Variants in BIN2 observed in about 807,000 individuals in gnomAD.
BIN2 encodes bridging integrator 2, also known as breast cancer associated protein BRAP1.
In BIN2, 43 loss-of-function variants were observed where a neutral mutation model predicts 67.9. The ratio of observed to expected loss-of-function variants is 0.63; its 90% CI spans 0.50 to 0.82. The LOEUF (loss-of-function observed/expected upper bound fraction) is 0.82, where lower values mean the gene tolerates loss of function less well. Ranked by LOEUF, BIN2 falls within the 40% of genes least tolerant of loss-of-function variation. The pLI, the probability that BIN2 is intolerant of heterozygous loss-of-function variation, is 0.00. For missense variants in BIN2, 581 were observed against 671.6 expected, an observed-to-expected ratio of 0.87 and a Z score of 1.49; for synonymous variants, 244 against 246.8, an observed-to-expected ratio of 0.99 and a Z score of 0.11.
intron 8 of BIN2, among the ~76,000 whole-genome samples, 171 bp from the exon 9 acceptor site, chr12:51,296,049 A>G (rs946651440): frequency 6.6e-6 from 1 of 150,532 alleles, no homozygotes; most frequent in African/African-American, 2.4e-5. Context: ...CTGTCCCGCC[A>G]CCCCCTCTTC....
intron 2 of BIN2, among the ~76,000 whole-genome samples, chr12:51,305,495 G>A (rs1253933531): frequency 2.0e-5 from 3 of 151,050 alleles, no homozygotes; most frequent in Admixed American, 6.6e-5. Context: ...ATGGTGGCAC[G>A]CACCTGTAAT....
intron 1 of BIN2, among the ~76,000 whole-genome samples, chr12:51,315,320 G>A (rs1345013866): frequency 6.6e-6 from 1 of 152,030 alleles, no homozygotes; most frequent in Non-Finnish European, 1.5e-5. Flanking sequence ...ACAGGCGCCC[G>A]CCACTATGCC....
chr12:51,283,027 C>T (rs1020412803), intron 12 of BIN2, among the ~76,000 whole-genome samples: 2 of 150,956 alleles, frequency 1.3e-5, no homozygotes, highest in Admixed American at 6.6e-5. Flanking sequence ...GAGGCTGAGG[C>T]GGGAGGATCA....
intron 2 of BIN2, among the ~76,000 whole-genome samples, chr12:51,311,947 T>A (rs1946008007): frequency 6.6e-6 from 1 of 152,078 alleles, no homozygotes; most frequent in Non-Finnish European, 1.5e-5. Context: ...AATTTTTGTA[T>A]TTTTAGTAGA....
chr12:51,308,316 A>G (rs1945920419), intron 2 of BIN2, among the ~76,000 whole-genome samples: 1 of 152,128 alleles, frequency 6.6e-6, no homozygotes, highest in South Asian at 2.1e-4. Flanking sequence ...AAATCTTATG[A>G]CTTTATCACT....
At chr12:51,296,802 C>G (rs1460993557) in intron 8 of BIN2, among the ~76,000 whole-genome samples, 1 of 152,124 alleles carries the variant, frequency 6.6e-6, no homozygotes, top group Non-Finnish European at 1.5e-5. Flanking sequence ...TGGGGTTCCC[C>G]ATTTTAATTT....
intron 9 of BIN2, among the ~76,000 whole-genome samples, chr12:51,293,457 C>T (rs1945446833): frequency 6.6e-6 from 1 of 152,186 alleles, no homozygotes; most frequent in Non-Finnish European, 1.5e-5. Flanking sequence ...CTACAGGCGC[C>T]CGCCACCATG....
chr12:51,314,150 C>T (rs1474475858), intron 1 of BIN2, among the ~76,000 whole-genome samples: 1 of 151,950 alleles, frequency 6.6e-6, no homozygotes, highest in Non-Finnish European at 1.5e-5. Context: ...CAGGTTCAAG[C>T]AATTCTCCTG....
At chr12:51,299,352 C>T in intron 6 of BIN2, 64 bp from the exon 7 acceptor site, 1 of 1,454,518 alleles carries the variant, frequency 6.9e-7, no homozygotes, top group Non-Finnish European at 9.6e-7. Flanking sequence ...AGCATGCCTC[C>T]TTCATCCTCT....
chr12:51,284,288 C>T (rs2137334137), intron 12 of BIN2, among the ~76,000 whole-genome samples: 1 of 152,278 alleles, frequency 6.6e-6, no homozygotes, highest in African/African-American at 2.4e-5. Flanking sequence ...AAGTAACATG[C>T]TGTATAGGTT....
intron 1 of BIN2, chr12:51,323,393 G>GTT (rs1946338540): frequency 6.6e-6 from 1 of 152,298 alleles, no homozygotes; most frequent in Non-Finnish European, 1.5e-5. Flanking sequence ...ACTAACCAAG[G>GTT]ACACACTCTG....
chr12:51,289,543 G>A (rs755117830), intron 10 of BIN2, among the ~76,000 whole-genome samples: 4 of 152,068 alleles, frequency 2.6e-5, no homozygotes, highest in Non-Finnish European at 5.9e-5. Flanking sequence ...GGGGCCCAGA[G>A]AGGTCAAGGC....
chr12:51,298,184 C>T (rs1298501939), intron 7 of BIN2, among the ~76,000 whole-genome samples: 2 of 152,110 alleles, frequency 1.3e-5, no homozygotes, highest in African/African-American at 4.8e-5. Context: ...CCATCCTGGC[C>T]AACATGGTGA....
At chr12:51,291,499 C>T (rs1592253947) in intron 10 of BIN2, 92 bp downstream of exon 10, 1 of 1,291,214 alleles carries the variant, frequency 7.7e-7, no homozygotes. Context: ...GCTGTGATCG[C>T]ACCACTACAC....
intron 1 of BIN2, among the ~76,000 whole-genome samples, chr12:51,315,039 A>G (rs1386913324): frequency 6.6e-6 from 1 of 152,038 alleles, no homozygotes; most frequent in African/African-American, 2.4e-5. Flanking sequence ...AATTTTCTGT[A>G]GAGACAGGGT....
At chr12:51,281,623 C>T in intron 12 of BIN2, 95 bp from the exon 13 acceptor site, 1 of 1,302,260 alleles carries the variant, frequency 7.7e-7, no homozygotes, top group Non-Finnish European at 1.1e-6. Context: ...CTGAATTATA[C>T]TTCATGTAAT....
At chr12:51,311,276 C>T (rs1321863805) in intron 2 of BIN2, among the ~76,000 whole-genome samples, 1 of 151,832 alleles carries the variant, frequency 6.6e-6, no homozygotes, top group African/African-American at 2.4e-5. Context: ...GTCTCAAACT[C>T]CTAGTCTTAG....
chr12:51,324,395 G>A (rs1946377995), upstream of BIN2: 2 of 1,346,872 alleles, frequency 1.5e-6, no homozygotes, highest in Non-Finnish European at 2.0e-6. Context: ...CAGGTCCTCA[G>A]TGGTGGGCCC....
At chr12:51,301,488 G>A (rs1414604516) in intron 5 of BIN2, among the ~76,000 whole-genome samples, 1 of 151,966 alleles carries the variant, frequency 6.6e-6, no homozygotes, top group Non-Finnish European at 1.5e-5. Context: ...CCCAAATATA[G>A]CTTACTGAAA....
Sources: gnomAD v4.1 joint callset for allele counts (sites outside exome capture counted in the v4.1 genomes callset) on GRCh38, gnomAD v4.1.1 for gene constraint, MANE v1.5 for transcripts, NCBI Gene and HGNC (gene_info 2026-07-23, HGNC 2026-07-21) for gene names.